Variants in PCDH11X observed in about 807,000 individuals in gnomAD.
PCDH11X encodes the protein protocadherin-11 X-linked.
In PCDH11X, 18 loss-of-function variants were observed where a neutral mutation model predicts 53.3. That is an observed-to-expected ratio of 0.34 (90% CI 0.23 to 0.50). The LOEUF is 0.50. Ranked by LOEUF, PCDH11X falls within the 20% of genes least tolerant of loss-of-function variation. The pLI is 0.98. For missense variants in PCDH11X, 570 were observed against 1,032.4 expected (o/e 0.55, Z 6.14); for synonymous variants, 279 against 393.3 (o/e 0.71, Z 3.44).
intron 7 of PCDH11X, among the ~76,000 whole-genome samples, chrX:92,252,858 C>G (rs931573936): frequency 9.0e-6 from 1 of 110,605 alleles, no homozygotes; most frequent in African/African-American, 3.3e-5. Flanking sequence ...CATTTAGAGA[C>G]ATGGATTCCC....
chrX:92,611,949 G>C, intron 10 of PCDH11X, among the ~76,000 whole-genome samples: 1 of 103,066 alleles, frequency 9.7e-6, no homozygotes, highest in African/African-American at 3.6e-5. Context: ...CAGTCTTCAC[G>C]GTCAATTAAT....
At chrX:92,310,520 C>A (rs2068926658) in intron 8 of PCDH11X, among the ~76,000 whole-genome samples, 2 of 110,910 alleles carry the variant, frequency 1.8e-5, no homozygotes, top group African/African-American at 6.6e-5. Flanking sequence ...TCCTAAGTAG[C>A]TGGGATTACA....
intron 10 of PCDH11X, among the ~76,000 whole-genome samples, chrX:92,539,184 A>T (rs1294223758): frequency 9.1e-6 from 1 of 109,331 alleles, no homozygotes; most frequent in African/African-American, 3.3e-5. Context: ...CTTTGAATAC[A>T]CTTTCTACCC....
intron 9 of PCDH11X, among the ~76,000 whole-genome samples, chrX:92,408,804 G>A (rs1369087751): frequency 9.2e-6 from 1 of 108,504 alleles, no homozygotes; most frequent in Non-Finnish European, 1.9e-5. Flanking sequence ...GGACGGTCTC[G>A]ATCTCCTGAC....
At chrX:92,432,672 A>T (rs1310452755) in intron 9 of PCDH11X, among the ~76,000 whole-genome samples, 3 of 108,907 alleles carry the variant, frequency 2.8e-5, no homozygotes, top group Admixed American at 9.9e-5. Context: ...GGGAGGGTAG[A>T]TATTTATTTG....
intron 6 of PCDH11X, among the ~76,000 whole-genome samples, chrX:92,165,083 A>G (rs781011958): frequency 0.013 from 1,371 of 108,528 alleles, 26 homozygotes; most frequent in African/African-American, 0.044. Context: ...TAATACATAC[A>G]GTATGCTGCT....
At chrX:92,187,387 C>T (rs751591302) in intron 6 of PCDH11X, among the ~76,000 whole-genome samples, 1 of 111,783 alleles carries the variant, frequency 8.9e-6, no homozygotes, top group African/African-American at 3.2e-5. Context: ...AATTATCTTG[C>T]GACCTCAAGA....
At chrX:92,040,099 C>T (rs113620468) in intron 6 of PCDH11X, among the ~76,000 whole-genome samples, 19,807 of 102,939 alleles carry the variant, frequency 0.19, 2,058 homozygotes, top group African/African-American at 0.33. Context: ...ACTCTTTGCT[C>T]TCCTCTCCTC....
intron 6 of PCDH11X, among the ~76,000 whole-genome samples, chrX:91,998,181 A>T (rs1180688682): frequency 9.1e-6 from 1 of 109,635 alleles, no homozygotes; most frequent in Admixed American, 9.7e-5. Context: ...TGATCTGCCC[A>T]CCTCGGCCTC....
chrX:92,523,629 G>A (rs1015758266), intron 10 of PCDH11X, among the ~76,000 whole-genome samples: 11 of 111,353 alleles, frequency 9.9e-5, no homozygotes, highest in African/African-American at 2.0e-4. Flanking sequence ...ATCTGCTTTC[G>A]TCACTCTGTC....
At position 92,083,917 on chromosome X, in the gene PCDH11X, G is replaced by A. The variant is rs148349104; in HGVS notation, c.3034-117458G>A. 1.6e-3 allele frequency among the ~76,000 whole-genome samples: 176 copies of A among 110,090 alleles called. 1 individual carries two copies. Among genetic ancestry groups the A allele is most frequent in the African/African-American group, 5.5e-3 (165 of 30,264 alleles). On this transcript the variant is annotated intron_variant, in intron 6 of 10. Transcript: ENST00000682573. Reference sequence around the variant, plus strand: ...CAGCCTGACCAAAGTGGTAAAATCCGTCTCTACTAAAAATACAAAAATTAG... The same window carrying A: ...CAGCCTGACCAAAGTGGTAAAATCCATCTCTACTAAAAATACAAAAATTAG...
At chrX:92,463,044 G>A (rs2073085128) in intron 9 of PCDH11X, among the ~76,000 whole-genome samples, 1 of 108,298 alleles carries the variant, frequency 9.2e-6, no homozygotes, top group East Asian at 2.9e-4. Context: ...GCTACCAAAA[G>A]GAGTTATTAT....
rs376053988 is a variant in PCDH11X at position 92,019,569 on chromosome X, T to C, written c.3033+140296T>C. ...GGTCTAAGAAATTTTCTTAAAACCA[T>C]ACGATTACATGGAAACTGAATAACC... On this transcript the variant is annotated intron_variant, in intron 6 of 10. Coordinates refer to ENST00000682573, the MANE Select transcript of PCDH11X (RefSeq NM_032968.5). 7.1e-4 allele frequency among the ~76,000 whole-genome samples: 79 copies of C among 111,911 alleles called. 2 individuals carry two copies. In the South Asian group the frequency reaches 0.028, roughly 39 times the overall value.
At chrX:92,140,054 AT>A (rs1399019203) in intron 6 of PCDH11X, among the ~76,000 whole-genome samples, 4 of 99,521 alleles carry the variant, frequency 4.0e-5, no homozygotes, top group South Asian at 5.2e-4. Context: ...TTGTAAAAAA[AT>A]ATTTTAAACT....
chrX:91,803,303 A>C (rs1175930373), intron 1 of PCDH11X, among the ~76,000 whole-genome samples: 1 of 111,019 alleles, frequency 9.0e-6, no homozygotes, highest in African/African-American at 3.3e-5. Context: ...GAAATTTTGC[A>C]AAATTTGATT....
At chrX:92,424,049 T>C (rs2072041731) in intron 9 of PCDH11X, among the ~76,000 whole-genome samples, 1 of 97,040 alleles carries the variant, frequency 1.0e-5, no homozygotes, top group African/African-American at 3.3e-5. Flanking sequence ...TGATGGGAAT[T>C]GTATTGAATT....
chrX:92,332,534 T>C (rs2069516159), intron 8 of PCDH11X, among the ~76,000 whole-genome samples: 1 of 111,971 alleles, frequency 8.9e-6, no homozygotes, highest in Admixed American at 9.5e-5. Flanking sequence ...CTGTTGATAC[T>C]CACTTTCAGT....
At chrX:92,530,172 A>G (rs2074529333) in intron 10 of PCDH11X, among the ~76,000 whole-genome samples, 2 of 108,819 alleles carry the variant, frequency 1.8e-5, no homozygotes, top group Admixed American at 2.0e-4. Flanking sequence ...TGTTCTTTAA[A>G]CCCCAAAGTC....
At chrX:92,174,703 G>A (rs2065878279) in intron 6 of PCDH11X, among the ~76,000 whole-genome samples, 2 of 111,673 alleles carry the variant, frequency 1.8e-5, no homozygotes, top group Admixed American at 1.9e-4. Flanking sequence ...CAATGTACAA[G>A]TCTCCATGCC....
Sources: allele counts gnomAD v4.1 joint callset (sites outside exome capture counted in the v4.1 genomes callset), GRCh38; gene constraint gnomAD v4.1.1; transcripts MANE v1.5; gene names NCBI Gene and HGNC (gene_info 2026-07-23, HGNC 2026-07-21).